Variants in GRAMD4 observed in about 807,000 individuals in gnomAD.
The protein encoded by GRAMD4 is GRAM domain containing 4, also known as GRAM domain-containing protein 4.
Under a neutral mutation model 83.9 loss-of-function variants are expected in GRAMD4, and 25 were observed. That is an observed-to-expected ratio of 0.30 (90% CI 0.22 to 0.42). The LOEUF (loss-of-function observed/expected upper bound fraction) is 0.42. Among genes scored for constraint, GRAMD4 ranks in the 10% least tolerant of loss-of-function variants. GRAMD4 has a pLI of 1.00. For missense variants in GRAMD4, 593 were observed against 788.7 expected, an observed-to-expected ratio of 0.75 and a Z score of 2.97; for synonymous variants, 336 against 320.9, an observed-to-expected ratio of 1.05 and a Z score of -0.50.
intron 17 of GRAMD4, among the ~76,000 whole-genome samples, chr22:46,676,155 T>C (rs2082594348): frequency 1.3e-5 from 2 of 152,160 alleles, no homozygotes; most frequent in Non-Finnish European, 1.5e-5. Context: ...ACGGCAGTTG[T>C]GGGTCATCTC....
chr22:46,665,571 A>G (rs1239930307), intron 8 of GRAMD4, 44 bp from the exon 9 acceptor site: 2 of 1,108,522 alleles, frequency 1.8e-6, no homozygotes, highest in Non-Finnish European at 1.4e-6. Flanking sequence ...CCTTGTCCTG[A>G]TCCAAGCTGT....
intron 3 of GRAMD4, among the ~76,000 whole-genome samples, chr22:46,650,183 G>A (rs975587579): frequency 1.2e-4 from 19 of 152,220 alleles, no homozygotes; most frequent in Non-Finnish European, 2.8e-4. Flanking sequence ...TTATTTTTGG[G>A]TGAGGCTGGG....
At chr22:46,593,593 G>A (rs1286360742) in intron 1 of GRAMD4, among the ~76,000 whole-genome samples, 1 of 152,178 alleles carries the variant, frequency 6.6e-6, no homozygotes, top group Non-Finnish European at 1.5e-5. Flanking sequence ...AAGGGAGGAG[G>A]CTTGTGGGCT....
chr22:46,681,390 C>T (rs1180711392), downstream of GRAMD4, among the ~76,000 whole-genome samples: 1 of 152,284 alleles, frequency 6.6e-6, no homozygotes, highest in Non-Finnish European at 1.5e-5. Flanking sequence ...ACATATACCT[C>T]TATCACCATT....
chr22:46,594,603 T>G (rs919485033), intron 1 of GRAMD4, among the ~76,000 whole-genome samples: 1 of 151,598 alleles, frequency 6.6e-6, no homozygotes, highest in African/African-American at 2.4e-5. Context: ...GTTAGGTGTT[T>G]TAGGAGGCTT....
chr22:46,665,811 G>C (rs1291228046), intron 9 of GRAMD4, 105 bp downstream of exon 9: 2 of 668,858 alleles, frequency 3.0e-6, no homozygotes, highest in Non-Finnish European at 5.4e-6. Flanking sequence ...GTCATGCACT[G>C]ACGTTTTGGG....
At chr22:46,643,155 C>T (rs200922525) in intron 3 of GRAMD4, among the ~76,000 whole-genome samples, 1 of 14,170 alleles carries the variant, frequency 7.1e-5, no homozygotes, top group Non-Finnish European at 1.7e-4. Context: ...ATCCATCCAT[C>T]CATCCATCCA....
At chr22:46,604,665 C>G (rs532536646) in intron 1 of GRAMD4, among the ~76,000 whole-genome samples, 1 of 152,254 alleles carries the variant, frequency 6.6e-6, no homozygotes, top group Non-Finnish European at 1.5e-5. Flanking sequence ...ATGACTTCCT[C>G]CTTTCACAAA....
rs554810601 is a variant in GRAMD4 at position 46,659,482 on chromosome 22, C to T, written c.404+1175C>T. Among the ~76,000 whole-genome samples, 31 of 152,328 alleles carry T rather than the reference C, an allele frequency of 2.0e-4. 1 individual carries two copies. The South Asian group carries it at 5.6e-3, about 27-fold the overall frequency. ...GGCTGTCACCAGTTAGGGAGGCACA[C>T]GGCATCTCTGGGACACCCCAGCTGA... On this transcript the variant is annotated intron_variant, in intron 4 of 18. Transcript: ENST00000406902. This position sits in a 1 kb window ranked among gnomAD's most constrained non-coding sequence, Gnocchi z 4.1.
In GRAMD4 at chr22:46,663,986, T is replaced by C. The variant is rs369749440; in HGVS notation, c.626-40T>C. Reference sequence around the variant, plus strand: ...AGGGAGACGTGGTTAAGCGGCCTCCTACCCACAGTGCTGACCACTGTGGTC... The same window carrying C: ...AGGGAGACGTGGTTAAGCGGCCTCCCACCCACAGTGCTGACCACTGTGGTC... On this transcript the variant is annotated intron_variant, in intron 7 of 18. Coordinates refer to ENST00000406902, the MANE Select transcript of GRAMD4 (RefSeq NM_015124.5). The C allele has an allele frequency of 2.9e-5, 46 of 1,577,790 alleles. No individual in the cohort carries two copies. The African/African-American group carries it at 5.0e-4, about 17-fold the overall frequency.
At chr22:46,627,105 T>C in intron 2 of GRAMD4, 144 bp downstream of exon 2, 8 of 631,008 alleles carry the variant, frequency 1.3e-5, no homozygotes, top group Non-Finnish European at 2.2e-5. Context: ...TCTCACCTGC[T>C]CCCGACCCCT....
intron 3 of GRAMD4, among the ~76,000 whole-genome samples, chr22:46,654,233 G>C (rs1039737271): frequency 6.6e-6 from 1 of 152,206 alleles, no homozygotes; most frequent in African/African-American, 2.4e-5. Flanking sequence ...CTGGCTGTCA[G>C]TGGGCGTGTG....
At chr22:46,642,229 G>C (rs897216316) in intron 3 of GRAMD4, among the ~76,000 whole-genome samples, 1 of 152,234 alleles carries the variant, frequency 6.6e-6, no homozygotes, top group Non-Finnish European at 1.5e-5. Context: ...TCCTGCCCCA[G>C]TCCTGGAATT....
At chr22:46,657,173 G>A (rs1258719548) in intron 3 of GRAMD4, among the ~76,000 whole-genome samples, 1 of 152,232 alleles carries the variant, frequency 6.6e-6, no homozygotes, top group Non-Finnish European at 1.5e-5. Flanking sequence ...GGCTGGGGTG[G>A]GGAGCGCCTG....
At position 46,677,415 on chromosome 22, in the gene GRAMD4, C is replaced by A; in HGVS notation, c.*164C>A. 1 of 1,373,630 alleles carries A rather than the reference C, an allele frequency of 7.3e-7. No homozygotes were observed. The highest frequency in any genetic ancestry group is 9.4e-7 in the Non-Finnish European group (1 of 1,063,750). The allele number at this position is 1,373,630 out of a possible 1,614,324, so 85.1% of individuals were successfully genotyped here. A position where few individuals can be genotyped will look rare whatever the true frequency, so the allele number is the denominator to read the frequency against. Reference sequence around the variant, plus strand: ...GTGTTGACCTCTGCGTTTTATCGACCAAGAAGGGGCCAGGGCTCACAGGGA... The same window carrying A: ...GTGTTGACCTCTGCGTTTTATCGACAAAGAAGGGGCCAGGGCTCACAGGGA... On this transcript the variant is annotated 3_prime_UTR_variant, in exon 19 of 19. Coordinates refer to ENST00000406902, the MANE Select transcript of GRAMD4 (RefSeq NM_015124.5).
rs1287369160 is a variant in GRAMD4, at chr22:46,678,158, C to G, written c.*907C>G. 1 of 985,314 alleles carries G rather than the reference C, an allele frequency of 1.0e-6. No homozygotes were observed. The highest frequency in any genetic ancestry group is 4.7e-5 in the South Asian group (1 of 21,288). The allele number at this position is 985,314 out of a possible 1,614,324, so 61.0% of individuals were successfully genotyped here. A position where few individuals can be genotyped will look rare whatever the true frequency, so the allele number is the denominator to read the frequency against. Reference sequence around the variant, plus strand: ...GCACTGTGGCATGTCTGGCACATGGCCCCCAGGCTGCGGTTGCCTGGGTTG... The same window carrying G: ...GCACTGTGGCATGTCTGGCACATGGGCCCCAGGCTGCGGTTGCCTGGGTTG... On this transcript the variant is annotated 3_prime_UTR_variant, in exon 19 of 19. Coordinates refer to ENST00000406902, the MANE Select transcript of GRAMD4 (RefSeq NM_015124.5).
intron 1 of GRAMD4, among the ~76,000 whole-genome samples, chr22:46,596,395 C>G (rs533084097): frequency 3.9e-5 from 6 of 152,358 alleles, no homozygotes; most frequent in Admixed American, 2.6e-4. Flanking sequence ...GCCACAGTCC[C>G]GAAGTCTTTG....
chr22:46,648,429 GTGGATGGA>G (rs1162648485), intron 3 of GRAMD4, among the ~76,000 whole-genome samples: 3 of 148,594 alleles, frequency 2.0e-5, no homozygotes, highest in Non-Finnish European at 4.5e-5. Flanking sequence ...GGGTGAATGG[GTGGATGGA>G]TGGATGGATG....
chr22:46,587,990 AGGGGCACAGGC>A (rs879823013), intron 1 of GRAMD4: 23 of 974,478 alleles, frequency 2.4e-5, no homozygotes, highest in Non-Finnish European at 2.8e-5. Context: ...CCTGGTCAGG[AGGGGCACAGGC>A]GGGGAGGGAG....
Sources: allele counts gnomAD v4.1 joint callset (sites outside exome capture counted in the v4.1 genomes callset), GRCh38; gene constraint gnomAD v4.1.1; non-coding constraint Gnocchi (gnomAD v3.1); transcripts MANE v1.5; gene names NCBI Gene and HGNC (gene_info 2026-07-23, HGNC 2026-07-21).